TMEM236: variants seen among roughly 807,000 people sequenced by gnomAD.
The protein encoded by TMEM236 is transmembrane protein 236.
TMEM236 carries 11 observed loss-of-function variants against 14.7 expected under a neutral mutation model. The ratio of observed to expected loss-of-function variants is 0.75; its 90% CI spans 0.47 to 1.24. The LOEUF is 1.24. Ranked by LOEUF, TMEM236 falls within the 50% of genes most tolerant of loss-of-function variation. The pLI, the probability that TMEM236 is intolerant of heterozygous loss-of-function variation, is 0.00. For missense variants in TMEM236, 464 were observed against 427.3 expected (o/e 1.09, Z -0.76); for synonymous variants, 182 against 168.6 (o/e 1.08, Z -0.62).
chr10:17,756,769 C>G (rs1432090518), intron 1 of TMEM236, among the ~76,000 whole-genome samples: 1 of 152,170 alleles, frequency 6.6e-6, no homozygotes, highest in Admixed American at 6.5e-5. Flanking sequence ...CCCAAACTGC[C>G]TCTTTGAAGG....
chr10:17,762,574 CATATATAT>C (rs878958449), intron 1 of TMEM236, among the ~76,000 whole-genome samples: 1,127 of 53,006 alleles, frequency 0.021, 30 homozygotes, highest in African/African-American at 0.056. Context: ...ATCTGAATTT[CATATATAT>C]ATATATATAT....
At chr10:17,754,924 T>TTTTATTTATTTATTTATTTATTTATTTA (rs372416227) in intron 1 of TMEM236, among the ~76,000 whole-genome samples, 1 of 146,672 alleles carries the variant, frequency 6.8e-6, no homozygotes, top group Non-Finnish European at 1.5e-5. Flanking sequence ...CATACTGATG[T>TTTTATTTATTTATTTATTTATTTATTTA]TTTATTTATT....
At chr10:17,788,035 T>C (rs1837866860) in intron 3 of TMEM236, among the ~76,000 whole-genome samples, 1 of 151,584 alleles carries the variant, frequency 6.6e-6, no homozygotes, top group Non-Finnish European at 1.5e-5. Flanking sequence ...ACTATGTATA[T>C]ATTTTTAAAC....
At chr10:17,788,189 A>G (rs1427335880) in intron 3 of TMEM236, among the ~76,000 whole-genome samples, 1 of 150,628 alleles carries the variant, frequency 6.6e-6, no homozygotes, top group South Asian at 2.1e-4. Flanking sequence ...CTAGAAATAT[A>G]TATCATTATA....
In TMEM236 at chr10:17,752,470, G is replaced by A; in HGVS notation, c.175G>A (p.Ala59Thr). 6.2e-7 allele frequency: 1 copy of A among 1,613,918 alleles called. No individual in the cohort carries two copies. Among genetic ancestry groups the A allele is most frequent in the Non-Finnish European group, 8.5e-7 (1 of 1,179,832 alleles). Residue 59 changes from alanine to threonine, a missense_variant, in exon 1 of 4, where the codon GCG (alanine) becomes ACG (threonine). Transcript: ENST00000377495. ...LIISCSIAYV[A>T]LVTLLIWVPV... Reference sequence around the variant, plus strand: ...CATCTCCTGTTCTATTGCCTATGTTGCGTTAGTGACTCTACTGATCTGGGT... The same window carrying A: ...CATCTCCTGTTCTATTGCCTATGTTACGTTAGTGACTCTACTGATCTGGGT...
intron 3 of TMEM236, among the ~76,000 whole-genome samples, chr10:17,789,396 CAATT>C (rs1300059324): frequency 1.5e-4 from 23 of 152,276 alleles, no homozygotes; most frequent in Middle Eastern, 3.4e-3. Flanking sequence ...TAATTTAAAA[CAATT>C]AATTATTTCA....
At chr10:17,790,953 G>C (rs1837915246) in intron 3 of TMEM236, among the ~76,000 whole-genome samples, 1 of 152,158 alleles carries the variant, frequency 6.6e-6, no homozygotes, top group Non-Finnish European at 1.5e-5. Context: ...TGCTACTTTT[G>C]CAACAACCTA....
intron 2 of TMEM236, among the ~76,000 whole-genome samples, chr10:17,774,822 CTT>C (rs1451006486): frequency 1.3e-5 from 2 of 149,394 alleles, no homozygotes; most frequent in East Asian, 1.9e-4. Flanking sequence ...CTCTCTCTCT[CTT>C]TCTCTCACTC....
chr10:17,763,329 GACT>G (rs1358533771), intron 1 of TMEM236, among the ~76,000 whole-genome samples: 2 of 152,088 alleles, frequency 1.3e-5, no homozygotes, highest in Non-Finnish European at 2.9e-5. Context: ...GGTGGTGCAT[GACT>G]GTAGTCTCTG....
At chr10:17,752,977 G>A (rs1038237391) in intron 1 of TMEM236, among the ~76,000 whole-genome samples, 4 of 152,072 alleles carry the variant, frequency 2.6e-5, no homozygotes, top group Admixed American at 1.3e-4. Context: ...GGGTAAAAGC[G>A]CAGGTTTGTT....
chr10:17,771,728 C>G (rs1255394517), intron 2 of TMEM236, among the ~76,000 whole-genome samples: 2 of 152,316 alleles, frequency 1.3e-5, no homozygotes, highest in Admixed American at 1.3e-4. Context: ...ATGAATACAA[C>G]AAGATCTAAG....
intron 3 of TMEM236, among the ~76,000 whole-genome samples, chr10:17,789,101 G>C (rs959766364): frequency 9.9e-5 from 15 of 152,132 alleles, no homozygotes; most frequent in Non-Finnish European, 1.6e-4. Flanking sequence ...ACTGATAATG[G>C]AATTAGGAAG....
intron 3 of TMEM236, among the ~76,000 whole-genome samples, chr10:17,795,505 C>T (rs1195193288): frequency 6.6e-6 from 1 of 152,184 alleles, no homozygotes; most frequent in Non-Finnish European, 1.5e-5. Flanking sequence ...TAAAAAATGA[C>T]TTCGGATCTG....
At chr10:17,773,029 A>G (rs1837599412) in intron 2 of TMEM236, among the ~76,000 whole-genome samples, 1 of 152,158 alleles carries the variant, frequency 6.6e-6, no homozygotes, top group African/African-American at 2.4e-5. Context: ...GCTGTAGAGT[A>G]TTACATTTTA....
intron 1 of TMEM236, 130 bp from the exon 2 acceptor site, chr10:17,771,179 A>C: frequency 1.2e-6 from 1 of 841,722 alleles, no homozygotes; most frequent in South Asian, 1.4e-5. Context: ...TGGGAAATGG[A>C]AATAGGGAAG....
In TMEM236 at chr10:17,779,470, TTTAA is replaced by T. The variant is rs1426032858; in HGVS notation, c.472+3308_472+3311del. Among the ~76,000 whole-genome samples the T allele has an allele frequency of 3.4e-4, 52 of 152,282 alleles. 1 individual carries two copies. Among genetic ancestry groups the T allele is most frequent in the African/African-American group, 1.2e-3 (48 of 41,572 alleles). On this transcript the variant is annotated intron_variant, in intron 3 of 3. Transcript: ENST00000377495. ...CTTCACTGTCTTTTTTCTGCTCCCA[TTTAA>T]TTAATTAGTTAATTAATTAATTTTT...
At chr10:17,757,450 T>G (rs1178126111) in intron 1 of TMEM236, among the ~76,000 whole-genome samples, 2 of 151,866 alleles carry the variant, frequency 1.3e-5, no homozygotes, top group African/African-American at 4.8e-5. Flanking sequence ...AATTAAAAAA[T>G]TAGCCAGGCA....
At chr10:17,774,798 T>TTCTCTCTCTCTCTCTCTCTC (rs781848506) in intron 2 of TMEM236, among the ~76,000 whole-genome samples, 53 of 142,056 alleles carry the variant, frequency 3.7e-4, no homozygotes, top group Non-Finnish European at 4.2e-4. Flanking sequence ...CCTACCTCCT[T>TTCTCTCTCTCTCTCTCTCTC]TCTCTCTCTC....
intron 1 of TMEM236, among the ~76,000 whole-genome samples, chr10:17,755,228 G>C (rs1190276071): frequency 5.9e-5 from 9 of 152,094 alleles, no homozygotes; most frequent in Admixed American, 5.9e-4. Flanking sequence ...TGGGATTATA[G>C]GCATAAGCCA....
Sources: allele counts gnomAD v4.1 joint callset (sites outside exome capture counted in the v4.1 genomes callset), GRCh38; gene constraint gnomAD v4.1.1; transcripts MANE v1.5; gene names NCBI Gene and HGNC (gene_info 2026-07-23, HGNC 2026-07-21).